SLC24A5: variants seen among roughly 807,000 people sequenced by gnomAD.
The protein encoded by SLC24A5 is sodium/potassium/calcium exchanger 5.
SLC24A5 carries 46 observed loss-of-function variants against 51.6 expected under a neutral mutation model. The ratio of observed to expected loss-of-function variants is 0.89; its 90% CI spans 0.70 to 1.14. SLC24A5 has a LOEUF of 1.14. SLC24A5 is among the 50% of genes most tolerant of loss of function. The probability of loss-of-function intolerance (pLI) is 0.00; values close to 1 mark genes in which losing one functional copy is unlikely to be tolerated. For synonymous variants in SLC24A5, 230 were observed against 214.9 expected, an observed-to-expected ratio of 1.07 and a Z score of -0.62; for missense variants, 581 against 604.1, an observed-to-expected ratio of 0.96 and a Z score of 0.40.
chr15:48,142,151 A>G lies in SLC24A5; in HGVS notation c.1303A>G (p.Ser435Gly), dbSNP rs1380640691. 1 of 1,613,894 alleles carries G rather than the reference A, an allele frequency of 6.2e-7. No homozygotes were observed. Among genetic ancestry groups the G allele is most frequent in the Non-Finnish European group, 8.5e-7 (1 of 1,179,862 alleles). ...INGSAPAEVN[S>G]RGLTYITISL... Reference sequence around the variant, plus strand: ...TGGATCAGCTCCTGCAGAAGTAAACAGCAGAGGACTAACTTACATAACCAT... The same window carrying G: ...TGGATCAGCTCCTGCAGAAGTAAACGGCAGAGGACTAACTTACATAACCAT... The change falls in exon 9 of 9, where the codon AGC (serine) becomes GGC (glycine). Residue 435 changes from serine to glycine, a missense_variant. Physicochemically the swap from Ser to Gly is moderately conservative, Grantham distance 56 (BLOSUM62 0). Coordinates refer to ENST00000341459, the MANE Select transcript of SLC24A5 (RefSeq NM_205850.3).
rs1023191645 is a variant in SLC24A5, at chr15:48,141,137, C to T, written c.1103C>T (p.Thr368Ile). The T allele has an allele frequency of 5.0e-6, 8 of 1,613,178 alleles. No individual in the cohort carries two copies. The highest frequency in any genetic ancestry group is 2.2e-5 in the East Asian group (1 of 44,870). The change falls in exon 8 of 9, where the codon ACA (threonine) becomes ATA (isoleucine). Residue 368 changes from threonine to isoleucine, a missense_variant. Physicochemically the swap from Thr to Ile is moderately conservative, Grantham distance 89 (BLOSUM62 -1). Transcript: ENST00000341459. ...GGGGAAACACTAGAAATTCCCGATA[C>T]AGTAATGGGCCTTACTTTATTAGCA... ...ITGETLEIPD[T>I]VMGLTLLAAG...
Position 48,121,061 on chromosome 15 carries a change from GC to G in SLC24A5, c.19del (p.Gln7LysfsTer64). On this transcript the variant is annotated frameshift_variant, in exon 1 of 9. Coordinates refer to ENST00000341459, the MANE Select transcript of SLC24A5 (RefSeq NM_205850.3). LOFTEE classifies it high-confidence loss of function. MQTKG[G>X]QTWARRALLL... The stretch of plus-strand genomic sequence containing the variant: ...ACAGCAGAAATGCAGACAAAAGGGG[GC>G]CAAACATGGGCGAGAAGGGCTCTGT... 1 of 1,613,782 alleles carries G rather than the reference GC, an allele frequency of 6.2e-7. No individual in the cohort carries two copies. Among genetic ancestry groups the G allele is most frequent in the Non-Finnish European group, 8.5e-7 (1 of 1,179,852 alleles).
At chr15:48,139,710 G>C (rs2039004152) in intron 7 of SLC24A5, 1 of 152,126 alleles carries the variant, frequency 6.6e-6, no homozygotes, top group African/African-American at 2.4e-5. Context: ...TCATGATTAA[G>C]ACTTAACTAG....
intron 2 of SLC24A5, among the ~76,000 whole-genome samples, chr15:48,131,819 G>T (rs1169706478): frequency 6.6e-6 from 1 of 152,126 alleles, no homozygotes; most frequent in Non-Finnish European, 1.5e-5. Flanking sequence ...ATGACCAAAG[G>T]CAAACAGAAT....
intron 2 of SLC24A5, among the ~76,000 whole-genome samples, chr15:48,132,928 C>T (rs1182172091): frequency 1.3e-5 from 2 of 152,038 alleles, no homozygotes; most frequent in African/African-American, 2.4e-5. Flanking sequence ...TGGAAAACTA[C>T]GTGGAGCAGA....
rs777129850 is a variant in SLC24A5, at chr15:48,142,294, A to C, written c.1446A>C (p.Ser482=). The C allele has an allele frequency of 3.7e-6, 6 of 1,612,970 alleles. No individual in the cohort carries two copies. Among genetic ancestry groups the C allele is most frequent in the Non-Finnish European group, 2.5e-6 (3 of 1,179,402 alleles). The change falls in exon 9 of 9, where the codon TCA becomes TCC. Residue 482 remains serine, a synonymous_variant. Coordinates refer to ENST00000341459, the MANE Select transcript of SLC24A5 (RefSeq NM_205850.3). ...LLSYLGLATL[S]VLYELGIIGN... is the part of the protein sequence containing the mutation. ...CATACTTGGGGCTTGCTACATTATC[A>C]GTTCTATATGAACTTGGAATTATTG...
rs142049412 is a variant in SLC24A5 at position 48,136,692 on chromosome 15, G to C, written c.600G>C (p.Gly200=). The stretch of plus-strand genomic sequence containing the variant: ...AATTTCTCTTTTGTAGGTATGAAGG[G>C]GCTTTACTGCTTTTGATATATGGAT... ...IYDNQVYWYE[G]ALLLLIYGLY... The change falls in exon 6 of 9, where the codon GGG becomes GGC. Residue 200 remains glycine, a synonymous_variant. Coordinates refer to ENST00000341459, the MANE Select transcript of SLC24A5 (RefSeq NM_205850.3). 1 of 1,605,258 alleles carries C rather than the reference G, an allele frequency of 6.2e-7. No individual in the cohort carries two copies. Among genetic ancestry groups the C allele is most frequent in the Admixed American group, 1.7e-5 (1 of 59,298 alleles).
intron 2 of SLC24A5, among the ~76,000 whole-genome samples, chr15:48,133,601 A>G (rs2038822750): frequency 6.6e-6 from 1 of 152,140 alleles, no homozygotes; most frequent in Non-Finnish European, 1.5e-5. Context: ...ACAATATTAA[A>G]TCTAGTTATT....
chr15:48,130,597 G>A (rs922830179), intron 2 of SLC24A5, among the ~76,000 whole-genome samples: 1 of 152,054 alleles, frequency 6.6e-6, no homozygotes, highest in African/African-American at 2.4e-5. Context: ...CACTGTTTGG[G>A]CAGTTATTTT....
At chr15:48,122,307 TTTGTTATAAGA>T in intron 2 of SLC24A5, 1 of 580,172 alleles carries the variant, frequency 1.7e-6, no homozygotes, top group Non-Finnish European at 3.1e-6. Context: ...TGCCTGGATG[TTTGTTATAAGA>T]ACTGTTCCAA....
In SLC24A5 at chr15:48,121,081, G is replaced by A; in HGVS notation, c.37G>A (p.Ala13Thr). The change falls in exon 1 of 9, where the codon GCT becomes ACT. Residue 13 changes from alanine to threonine, a missense_variant. Transcript: ENST00000341459. ...AGGGGGCCAAACATGGGCGAGAAGG[G>A]CTCTGTTGCTCGGCATCCTGTGGGC... ...TKGGQTWARR[A>T]LLLGILWATA... The A allele has an allele frequency of 6.2e-7, 1 of 1,613,980 alleles. No individual in the cohort carries two copies. Among genetic ancestry groups the A allele is most frequent in the Non-Finnish European group, 8.5e-7 (1 of 1,179,928 alleles).
At position 48,142,176 on chromosome 15, in the gene SLC24A5, T is replaced by C. The variant is rs2039113202; in HGVS notation, c.1328T>C (p.Ile443Thr). 1 of 1,613,840 alleles carries C rather than the reference T, an allele frequency of 6.2e-7. No homozygotes were observed. The highest frequency in any genetic ancestry group is 8.5e-7 in the Non-Finnish European group (1 of 1,179,882). ...AGCAGAGGACTAACTTACATAACCA[T>C]CTCTCTCAACATTTCAATTATTTTT... ...VNSRGLTYIT[I>T]SLNISIIFLF... The change falls in exon 9 of 9, where the codon ATC (isoleucine) becomes ACC (threonine). Residue 443 changes from isoleucine (I) to threonine (T), a missense_variant. Ile to Thr is a moderately conservative substitution (Grantham distance 89, BLOSUM62 -1). Coordinates refer to ENST00000341459, the MANE Select transcript of SLC24A5 (RefSeq NM_205850.3).
At chr15:48,127,288 G>A (rs1338441644) in intron 2 of SLC24A5, among the ~76,000 whole-genome samples, 3 of 152,186 alleles carry the variant, frequency 2.0e-5, no homozygotes, top group Admixed American at 6.5e-5. Context: ...AGACTACAGA[G>A]GTTAGAATCC....
chr15:48,127,404 C>G (rs2038742743), intron 2 of SLC24A5, among the ~76,000 whole-genome samples: 1 of 152,102 alleles, frequency 6.6e-6, no homozygotes, highest in Non-Finnish European at 1.5e-5. Flanking sequence ...ACTTGAACAC[C>G]AAATTTAAGG....
chr15:48,134,975 A>G lies in SLC24A5; in HGVS notation c.581A>G (p.Gln194Arg). 13 of 1,605,334 alleles carry G rather than the reference A, an allele frequency of 8.1e-6. No homozygotes were observed. The highest frequency in any genetic ancestry group is 1.1e-5 in the Non-Finnish European group (13 of 1,173,096). Reference sequence around the variant, plus strand: ...GTTCTTGGTATAATATATGACAACCAAGTTTACTGGTAAGCTTGAAAATAA... The same window carrying G: ...GTTCTTGGTATAATATATGACAACCGAGTTTACTGGTAAGCTTGAAAATAA... ...AAVLGIIYDN[Q>R]VYWYEGALLL... Residue 194 changes from glutamine to arginine, a missense_variant, in exon 5 of 9, where the codon CAA (glutamine) becomes CGA (arginine). Physicochemically the swap from Gln to Arg is conservative, Grantham distance 43 (BLOSUM62 1). Transcript: ENST00000341459.
chr15:48,121,004 C>T lies in SLC24A5; in HGVS notation c.-41C>T, dbSNP rs775331152. On this transcript the variant is annotated 5_prime_UTR_variant, in exon 1 of 9. Coordinates refer to ENST00000341459, the MANE Select transcript of SLC24A5 (RefSeq NM_205850.3). The stretch of plus-strand genomic sequence containing the variant: ...TGATCCAGTTTAATCCTCCTCTTCT[C>T]CCTTCCTGAAGCTGCACGCTGCAGT... 3.1e-6 allele frequency: 5 copies of T among 1,600,408 alleles called. No individual in the cohort carries two copies. Among genetic ancestry groups the T allele is most frequent in the African/African-American group, 1.3e-5 (1 of 74,692 alleles).
intron 1 of SLC24A5, 95 bp downstream of exon 1, chr15:48,121,260 T>G: frequency 7.5e-7 from 1 of 1,331,834 alleles, no homozygotes; most frequent in Non-Finnish European, 1.0e-6. Context: ...AAATTCTCAA[T>G]GGGCTCACTT....
At position 48,138,756 on chromosome 15, in the gene SLC24A5, G is replaced by A. The variant is rs549128045; in HGVS notation, c.872-213G>A. On this transcript the variant is annotated intron_variant, in intron 6 of 8. Coordinates refer to ENST00000341459, the MANE Select transcript of SLC24A5 (RefSeq NM_205850.3). ...TTATAGATTTAAGGCCCCAAATAAA[G>A]AAATGCGGAGTATCACATCTTACAT... The A allele has an allele frequency of 9.5e-5, 48 of 507,846 alleles. 1 individual carries two copies. The highest frequency in any genetic ancestry group is 8.6e-4 in the African/African-American group (45 of 52,544). 31.5% of individuals were successfully genotyped at this position (507,846 alleles called of 1,614,324 possible). A position where few individuals can be genotyped will look rare whatever the true frequency, so the allele number is the denominator to read the frequency against.
At chr15:48,141,245 T>A in intron 8 of SLC24A5, 31 bp downstream of exon 8, 1 of 1,507,256 alleles carries the variant, frequency 6.6e-7, no homozygotes, top group Non-Finnish European at 9.2e-7. Flanking sequence ...GCTGCAATGG[T>A]CATTCTACAA....
Sources: allele counts gnomAD v4.1 joint callset (sites outside exome capture counted in the v4.1 genomes callset), GRCh38; gene constraint gnomAD v4.1.1; transcripts MANE v1.5; gene names NCBI Gene and HGNC (gene_info 2026-07-23, HGNC 2026-07-21).